SLC18A1: variants seen among roughly 807,000 people sequenced by gnomAD.
The protein encoded by SLC18A1 is solute carrier family 18 member A1, also known as chromaffin granule amine transporter.
A neutral mutation model predicts 53.7 loss-of-function variants in SLC18A1; 69 were observed. The observed-to-expected ratio is 1.28, with a 90% confidence interval of 1.06 to 1.57. SLC18A1 has a LOEUF of 1.57. SLC18A1 is among the 40% of genes most tolerant of loss of function. The probability of loss-of-function intolerance (pLI) is 0.00; values close to 1 mark genes in which losing one functional copy is unlikely to be tolerated. For synonymous variants in SLC18A1, 320 were observed against 248.1 expected (o/e 1.29, Z -2.72); for missense variants, 932 against 668.1 (o/e 1.40, Z -4.35).
In SLC18A1 at chr8:20,170,783, A is replaced by C. The variant is rs1315146976; in HGVS notation, c.858+320T>G. On this transcript the variant is annotated intron_variant, in intron 8 of 15. Coordinates refer to ENST00000276373, the MANE Select transcript of SLC18A1 (RefSeq NM_003053.4). ...TGCACATATATATATATATATGGAG[A>C]TCTCCAGATATACATGAATATATAT... Among the ~76,000 whole-genome samples the C allele has an allele frequency of 3.3e-5, 5 of 152,050 alleles. No individual in the cohort carries two copies. The East Asian group carries it at 9.7e-4, about 29-fold the overall frequency.
In SLC18A1 at chr8:20,165,116, A is replaced by T; in HGVS notation, c.859-9T>A. ...GGAGTCCCCTTGGCACTCTGAGAACATGGATAACAAAAAATGTCCATTTGT... is the reference window on the plus strand; with the variant it reads ...GGAGTCCCCTTGGCACTCTGAGAACTTGGATAACAAAAAATGTCCATTTGT... On this transcript the variant is annotated splice_polypyrimidine_tract_variant and intron_variant, in intron 8 of 15. Transcript: ENST00000276373. 6.2e-7 allele frequency: 1 copy of T among 1,613,106 alleles called. No individual in the cohort carries two copies. Among genetic ancestry groups the T allele is most frequent in the Non-Finnish European group, 8.5e-7 (1 of 1,179,034 alleles).
chr8:20,182,852 GA>G, intron 1 of SLC18A1, among the ~76,000 whole-genome samples: 1 of 152,224 alleles, frequency 6.6e-6, no homozygotes, highest in Non-Finnish European at 1.5e-5. Flanking sequence ...AAGAATAAAA[GA>G]CAAGCCATGG....
chr8:20,164,633 A>G (rs1257010195), intron 10 of SLC18A1, among the ~76,000 whole-genome samples: 2 of 152,116 alleles, frequency 1.3e-5, no homozygotes, highest in African/African-American at 2.4e-5. Flanking sequence ...TAATCATCCT[A>G]CTACACAGCT....
In SLC18A1 at chr8:20,150,666, C is replaced by A. The variant is rs747952915; in HGVS notation, c.1094G>T (p.Arg365Leu). The change falls in exon 11 of 16, where the codon CGG becomes CTG. Residue 365 changes from arginine (R) to leucine (L), a missense_variant and splice_region_variant. Transcript: ENST00000276373. Reference sequence around the variant, plus strand: ...CGTCCCAGATCCCGAGGCTACATACCGACCCATCTTGTTGGCCAACACACC... The same window carrying A: ...CGTCCCAGATCCCGAGGCTACATACAGACCCATCTTGTTGGCCAACACACC... ...LFGVLANKMG[R>L]WLCSLIGMLV... 3.1e-6 allele frequency: 5 copies of A among 1,613,674 alleles called. No individual in the cohort carries two copies. The highest frequency in any genetic ancestry group is 2.2e-5 in the South Asian group (2 of 91,080).
intron 2 of SLC18A1, 90 bp from the exon 3 acceptor site, chr8:20,179,574 T>C: frequency 6.8e-7 from 1 of 1,469,086 alleles, no homozygotes; most frequent in Non-Finnish European, 9.2e-7. Flanking sequence ...ATGTCAATTC[T>C]ACTGAAAGTC....
intron 10 of SLC18A1, among the ~76,000 whole-genome samples, chr8:20,159,902 C>T (rs2071779573): frequency 6.6e-6 from 1 of 152,062 alleles, no homozygotes; most frequent in African/African-American, 2.4e-5. Flanking sequence ...TCCACTATGC[C>T]ACACCCCCAG....
At chr8:20,165,197 T>TCTAAGCCCATAA in intron 8 of SLC18A1, 90 bp from the exon 9 acceptor site, 2 of 1,145,888 alleles carry the variant, frequency 1.7e-6, no homozygotes, top group Non-Finnish European at 2.6e-6. Flanking sequence ...AATTATGGGC[T>TCTAAGCCCATAA]TAGAGACCAT....
intron 15 of SLC18A1, among the ~76,000 whole-genome samples, chr8:20,146,404 A>G (rs938061297): frequency 6.6e-6 from 1 of 152,120 alleles, no homozygotes; most frequent in African/African-American, 2.4e-5. Context: ...AACTGAATTT[A>G]ACAGTGGTAG....
At chr8:20,147,226 G>T (rs2071423048) in intron 15 of SLC18A1, 32 bp downstream of exon 15, 1 of 1,567,534 alleles carries the variant, frequency 6.4e-7, no homozygotes, top group Non-Finnish European at 8.6e-7. Context: ...AAACAGAAGT[G>T]AATTTCTCTT....
intron 12 of SLC18A1, 132 bp downstream of exon 12, chr8:20,149,544 G>C: frequency 1.4e-6 from 1 of 712,534 alleles, no homozygotes; most frequent in Non-Finnish European, 2.3e-6. Context: ...TCATCTTAAA[G>C]GAAATTAGTC....
chr8:20,167,060 G>A (rs1162134276), intron 8 of SLC18A1, among the ~76,000 whole-genome samples: 1 of 151,280 alleles, frequency 6.6e-6, no homozygotes, highest in Non-Finnish European at 1.5e-5. Flanking sequence ...CCAATCTGTA[G>A]TATTTTGTTC....
Position 20,179,322 on chromosome 8 carries a change from A to G in SLC18A1, c.287T>C (p.Val96Ala). 6.2e-7 allele frequency: 1 copy of G among 1,614,176 alleles called. No individual in the cohort carries two copies. The highest frequency in any genetic ancestry group is 8.5e-7 in the Non-Finnish European group (1 of 1,180,038). Residue 96 changes from valine (V) to alanine (A), a missense_variant, in exon 3 of 16, where the codon GTA (valine) becomes GCA (alanine). Transcript: ENST00000276373. Reference sequence around the variant, plus strand: ...ATTCATCCATGCTATTCCACTAGGTACGCTTTCTTCAACAGCCACGGTGTT... The same window carrying G: ...ATTCATCCATGCTATTCCACTAGGTGCGCTTTCTTCAACAGCCACGGTGTT... ...NNNTVAVEES[V>A]PSGIAWMNDT...
chr8:20,147,177 C>G lies in SLC18A1; in HGVS notation c.1464+81G>C, dbSNP rs932553849. ...ACAGAGCAATAGAGGGAGGAAATAA[C>G]AGCCCAGGATGAAAGGGAATGAGAG... On this transcript the variant is annotated intron_variant, in intron 15 of 15. Transcript: ENST00000276373. 49 of 1,465,498 alleles carry G rather than the reference C, an allele frequency of 3.3e-5. No homozygotes were observed. The South Asian group carries it at 5.1e-4, about 15-fold the overall frequency. 90.8% of individuals were successfully genotyped at this position (1,465,498 alleles called of 1,614,324 possible).
intron 10 of SLC18A1, among the ~76,000 whole-genome samples, chr8:20,159,184 C>A (rs774166814): frequency 6.6e-6 from 1 of 152,124 alleles, no homozygotes; most frequent in African/African-American, 2.4e-5. Context: ...CGAAAGCACC[C>A]CTCTCAAGGA....
intron 4 of SLC18A1, among the ~76,000 whole-genome samples, chr8:20,176,175 T>G (rs184352803): frequency 6.8e-4 from 103 of 152,278 alleles, no homozygotes; most frequent in Non-Finnish European, 1.2e-3. Context: ...TCATGAATAC[T>G]TTAATGTCTT....
At position 20,178,447 on chromosome 8, in the gene SLC18A1, G is replaced by C; in HGVS notation, c.535C>G (p.Leu179Val). The change falls in exon 4 of 16, where the codon CTC (leucine) becomes GTC (valine). Residue 179 changes from leucine (L) to valine (V), a missense_variant. Physicochemically the swap from Leu to Val is conservative, Grantham distance 32 (BLOSUM62 1). Transcript: ENST00000276373. ...PMFAGFVIMF[L>V]STVMFAFSGT... The stretch of plus-strand genomic sequence containing the variant: ...GCAAATTACTTACTAACTGTGGAGA[G>C]AAACATGATAACAAAGCCAGCAAAC... The C allele has an allele frequency of 1.2e-6, 2 of 1,607,502 alleles. No homozygotes were observed. The highest frequency in any genetic ancestry group is 1.7e-6 in the Non-Finnish European group (2 of 1,177,086).
chr8:20,154,602 C>G lies in SLC18A1; in HGVS notation c.1016-3858G>C, dbSNP rs190274401. The stretch of plus-strand genomic sequence containing the variant: ...GGAAAACAATGTTCACAGAAAACAT[C>G]TGGGTCTCAGTAGGGCAAGAAGATG... On this transcript the variant is annotated intron_variant, in intron 10 of 15. Coordinates refer to ENST00000276373, the MANE Select transcript of SLC18A1 (RefSeq NM_003053.4). Among the ~76,000 whole-genome samples, 224 of 152,296 alleles carry G rather than the reference C, an allele frequency of 1.5e-3. 2 individuals are homozygous for G. The highest frequency in any genetic ancestry group is 0.013 in the Admixed American group (201 of 15,302).
chr8:20,176,941 G>T (rs1293281915), intron 4 of SLC18A1, among the ~76,000 whole-genome samples: 1 of 152,152 alleles, frequency 6.6e-6, no homozygotes, highest in Non-Finnish European at 1.5e-5. Flanking sequence ...CTCAGTGTGT[G>T]TCTCATGTCT....
intron 10 of SLC18A1, among the ~76,000 whole-genome samples, chr8:20,157,140 G>C (rs1231003750): frequency 1.3e-5 from 2 of 152,166 alleles, no homozygotes; most frequent in African/African-American, 4.8e-5. Flanking sequence ...GGACACTCTA[G>C]GACTAATGCT....
Sources: allele counts gnomAD v4.1 joint callset (sites outside exome capture counted in the v4.1 genomes callset), GRCh38; gene constraint gnomAD v4.1.1; transcripts MANE v1.5; gene names NCBI Gene and HGNC (gene_info 2026-07-23, HGNC 2026-07-21).